Variants in HNRNPR observed in about 807,000 individuals in gnomAD.
The protein encoded by HNRNPR is heterogeneous nuclear ribonucleoprotein R.
A neutral mutation model predicts 70.3 loss-of-function variants in HNRNPR; 4 were observed. The observed-to-expected ratio is 0.06, with a 90% CI of 0.03 to 0.13. The LOEUF is 0.13. Ranked by LOEUF, HNRNPR falls within the 10% of genes least tolerant of loss-of-function variation. HNRNPR has a pLI of 1.00. For synonymous variants in HNRNPR, 241 were observed against 267.6 expected (o/e 0.90, Z 0.97); for missense variants, 423 against 788.5 (o/e 0.54, Z 5.55).
At chr1:23,328,442 T>C (rs1383522885) in intron 5 of HNRNPR, among the ~76,000 whole-genome samples, 1 of 152,214 alleles carries the variant, frequency 6.6e-6, no homozygotes, top group Non-Finnish European at 1.5e-5. Flanking sequence ...AGTTTTCGGT[T>C]ATACTGGATT....
At chr1:23,315,291 AAAAAAAAAAAAAAAC>A (rs1645492271) in intron 8 of HNRNPR, among the ~76,000 whole-genome samples, 1 of 150,696 alleles carries the variant, frequency 6.6e-6, no homozygotes, top group African/African-American at 2.4e-5. Flanking sequence ...AAAAAAAAAA[AAAAAAAAAAAAAAAC>A]AAAAACCCAA....
chr1:23,343,485 T>A (rs1009941440), intron 1 of HNRNPR, among the ~76,000 whole-genome samples: 11 of 152,188 alleles, frequency 7.2e-5, no homozygotes, highest in African/African-American at 1.7e-4. Context: ...TGGGCTTTTT[T>A]AAAAATTTGG....
At chr1:23,332,098 C>T (rs1646256752) in intron 5 of HNRNPR, among the ~76,000 whole-genome samples, 1 of 151,910 alleles carries the variant, frequency 6.6e-6, no homozygotes, top group Non-Finnish European at 1.5e-5. Flanking sequence ...CACCACTGCA[C>T]TCCAGCCTGG....
At chr1:23,315,117 T>C (rs188724922) in intron 8 of HNRNPR, among the ~76,000 whole-genome samples, 61 of 151,746 alleles carry the variant, frequency 4.0e-4, no homozygotes, top group African/African-American at 1.3e-3. Context: ...CTGTCTCTAC[T>C]AAAAATACAA....
intron 8 of HNRNPR, among the ~76,000 whole-genome samples, chr1:23,316,610 A>C (rs1218797821): frequency 6.6e-6 from 1 of 152,148 alleles, no homozygotes; most frequent in Non-Finnish European, 1.5e-5. Flanking sequence ...TACTATTTTA[A>C]AATATTTTTA....
In HNRNPR at chr1:23,340,979, T is replaced by C; in HGVS notation, c.30A>G (p.Val10=). ...TTGGTTCTTCCTCTTCTTTTAACTGTACCGCATTACCATTCACCTGATTAG... is the reference window on the plus strand; with the variant it reads ...TTGGTTCTTCCTCTTCTTTTAACTGCACCGCATTACCATTCACCTGATTAG... MANQVNGNA[V]QLKEEEEPMD... Residue 10 remains valine, a synonymous_variant, in exon 2 of 11, where the codon GTA becomes GTG. Coordinates refer to ENST00000302271, the MANE Select transcript of HNRNPR (RefSeq NM_005826.5). 1.2e-6 allele frequency: 2 copies of C among 1,612,664 alleles called. No homozygotes were observed. The highest frequency in any genetic ancestry group is 1.7e-6 in the Non-Finnish European group (2 of 1,179,378).
intron 5 of HNRNPR, among the ~76,000 whole-genome samples, chr1:23,330,851 C>G (rs1646191508): frequency 6.6e-6 from 1 of 152,108 alleles, no homozygotes; most frequent in South Asian, 2.1e-4. Flanking sequence ...CAATCAAGAC[C>G]TAAAAATGTT....
intron 5 of HNRNPR, among the ~76,000 whole-genome samples, chr1:23,325,326 G>A (rs1167847434): frequency 2.6e-5 from 4 of 152,044 alleles, no homozygotes; most frequent in South Asian, 4.1e-4. Flanking sequence ...AAAATATGCC[G>A]ACATTATTAT....
intron 5 of HNRNPR, among the ~76,000 whole-genome samples, chr1:23,324,234 T>G (rs1202983544): frequency 1.3e-5 from 2 of 151,942 alleles, no homozygotes; most frequent in Admixed American, 6.6e-5. Flanking sequence ...GACATAGCTC[T>G]CCTCAAGTTA....
chr1:23,342,447 G>A (rs775186860), intron 1 of HNRNPR, among the ~76,000 whole-genome samples: 33 of 152,286 alleles, frequency 2.2e-4, no homozygotes, highest in Admixed American at 7.2e-4. Flanking sequence ...AATAGACGCA[G>A]ACTGTGGTTA....
rs561958823 is a variant in HNRNPR, at chr1:23,337,884, T to A, written c.277-23A>T. ...GTTCTAGAACAGACAAGTAATTCAA[T>A]AAAAAGAATCACCAAAAATATCTGA... On this transcript the variant is annotated intron_variant, in intron 3 of 10. Coordinates refer to ENST00000302271, the MANE Select transcript of HNRNPR (RefSeq NM_005826.5). 124 of 1,421,926 alleles carry A rather than the reference T, an allele frequency of 8.7e-5. No homozygotes were observed. In the African/African-American group the frequency reaches 1.5e-3, roughly 18 times the overall value. The allele number at this position is 1,421,926 out of a possible 1,614,324, so 88.1% of individuals were successfully genotyped here. A position where few individuals can be genotyped will look rare whatever the true frequency, so the allele number is the denominator to read the frequency against.
intron 8 of HNRNPR, 26 bp from the exon 9 acceptor site, chr1:23,313,728 C>G: frequency 1.3e-6 from 2 of 1,591,678 alleles, no homozygotes; most frequent in Non-Finnish European, 8.5e-7. Flanking sequence ...TAAACAAAAC[C>G]GTCATTGGCT....
Position 23,310,894 on chromosome 1 carries a change from C to T in HNRNPR, c.1462G>A (p.Asp488Asn). The change falls in exon 11 of 11, where the codon GAT becomes AAT. Residue 488 changes from aspartate (D) to asparagine (N), a missense_variant. By Grantham distance (23) the Asp-to-Asn change is conservative (BLOSUM62 1). Coordinates refer to ENST00000302271, the MANE Select transcript of HNRNPR (RefSeq NM_005826.5). The surrounding 1 kb of genome is among the most constrained non-coding windows in gnomAD (Gnocchi z 6.0). ...CCATCATCATAGCCGTAGTAGGGAT[C>T]TTCATAGCCTCCACGATAGTCGTGA... The part of the protein sequence containing the change: ...DYHDYRGGYE[D>N]PYYGYDDGYA... 1 of 1,614,148 alleles carries T rather than the reference C, an allele frequency of 6.2e-7. No individual in the cohort carries two copies.
intron 4 of HNRNPR, among the ~76,000 whole-genome samples, chr1:23,334,848 A>C (rs1270105804): frequency 6.6e-6 from 1 of 152,242 alleles, no homozygotes; most frequent in East Asian, 1.9e-4. Flanking sequence ...AAGAGCTTAG[A>C]GAAGAAAAGA....
chr1:23,321,522 T>C lies in HNRNPR; in HGVS notation c.811+6A>G. ...AAAGTAATTTCTAAATACATTTTTG[T>C]TTTACCTGTGACTTTACTGAATTCT... On this transcript the variant is annotated splice_donor_region_variant and intron_variant, in intron 7 of 10. Coordinates refer to ENST00000302271, the MANE Select transcript of HNRNPR (RefSeq NM_005826.5). 2 of 1,610,628 alleles carry C rather than the reference T, an allele frequency of 1.2e-6. No homozygotes were observed. Among genetic ancestry groups the C allele is most frequent in the Non-Finnish European group, 8.5e-7 (1 of 1,177,784 alleles).
chr1:23,333,181 T>C (rs369529694), intron 5 of HNRNPR, among the ~76,000 whole-genome samples: 62 of 152,174 alleles, frequency 4.1e-4, no homozygotes, highest in African/African-American at 1.4e-3. Context: ...AAACTCCATC[T>C]CAGGGGAGGG....
chr1:23,336,254 C>G (rs951221949), intron 4 of HNRNPR, among the ~76,000 whole-genome samples: 1 of 150,530 alleles, frequency 6.6e-6, no homozygotes, highest in African/African-American at 2.4e-5. Context: ...AGTGAAACCC[C>G]GACTCTACCA....
chr1:23,331,611 C>T (rs1384749831), intron 5 of HNRNPR, among the ~76,000 whole-genome samples: 6 of 150,944 alleles, frequency 4.0e-5, no homozygotes, highest in African/African-American at 1.5e-4. Flanking sequence ...CGCTTGAACC[C>T]GGGAGGCAGA....
Position 23,337,790 on chromosome 1 carries a change from T to C in HNRNPR, c.348A>G (p.Gln116=), listed in dbSNP as rs749366564. 2 of 1,613,590 alleles carry C rather than the reference T, an allele frequency of 1.2e-6. No individual in the cohort carries two copies. The highest frequency in any genetic ancestry group is 1.7e-6 in the Non-Finnish European group (2 of 1,179,720). Residue 116 remains glutamine (Q), a synonymous_variant, in exon 4 of 11, where the codon CAA becomes CAG. Transcript: ENST00000302271. ...CTTCATCAGGTCCCTTTGTGGACTC[T>C]TGCACCTTGCTCCCCTGTTTCTCTC... ...RQREKQGSKV[Q]ESTKGPDEAK...
Sources: gnomAD v4.1 joint callset for allele counts (sites outside exome capture counted in the v4.1 genomes callset) on GRCh38, gnomAD v4.1.1 for gene constraint, Gnocchi (gnomAD v3.1) non-coding constraint, MANE v1.5 for transcripts, NCBI Gene and HGNC (gene_info 2026-07-23, HGNC 2026-07-21) for gene names.